Variants in PPP2R2B observed in about 807,000 individuals in gnomAD.
The protein encoded by PPP2R2B is protein phosphatase 2 regulatory subunit Bbeta.
A neutral mutation model predicts 46.0 loss-of-function variants in PPP2R2B; 5 were observed. That is an observed-to-expected ratio of 0.11 (90% CI 0.06 to 0.23). The LOEUF (loss-of-function observed/expected upper bound fraction) is 0.23. PPP2R2B is among the 10% of genes least tolerant of loss of function. The probability of loss-of-function intolerance (pLI) is 1.00; values close to 1 mark genes in which losing one functional copy is unlikely to be tolerated. For missense variants in PPP2R2B, 367 were observed against 575.0 expected (o/e 0.64, Z 3.70); for synonymous variants, 215 against 206.7 (o/e 1.04, Z -0.34).
intron 7 of PPP2R2B, among the ~76,000 whole-genome samples, chr5:146,632,066 C>CA (rs1554116671): frequency 1.6e-5 from 2 of 123,778 alleles, no homozygotes; most frequent in Non-Finnish European, 3.4e-5. Context: ...GTTGTGCCCC[C>CA]CCCCCCGCCC....
At chr5:146,755,775 T>C (rs1168299410) in intron 2 of PPP2R2B, among the ~76,000 whole-genome samples, 3 of 152,190 alleles carry the variant, frequency 2.0e-5, no homozygotes. Context: ...TGCTAATTTG[T>C]TTTTCAACTT....
intron 2 of PPP2R2B, among the ~76,000 whole-genome samples, chr5:146,838,494 C>A (rs1448202950): frequency 2.7e-5 from 4 of 150,224 alleles, no homozygotes; most frequent in African/African-American, 9.8e-5. Context: ...TCACTTGAAC[C>A]TGGGAGGCGG....
intron 1 of PPP2R2B, among the ~76,000 whole-genome samples, chr5:147,005,410 T>C (rs1057403019): frequency 6.6e-5 from 10 of 152,176 alleles, no homozygotes; most frequent in South Asian, 2.1e-4. Flanking sequence ...AAAGAATAAA[T>C]GTGTATACAG....
At chr5:146,783,847 G>A (rs1005013703) in intron 2 of PPP2R2B, among the ~76,000 whole-genome samples, 8 of 152,202 alleles carry the variant, frequency 5.3e-5, no homozygotes, top group Non-Finnish European at 1.0e-4. Context: ...TCTGATCGGG[G>A]GATAGGAAGA....
chr5:146,759,787 A>ACAG (rs1754050434), intron 2 of PPP2R2B, among the ~76,000 whole-genome samples: 1 of 151,154 alleles, frequency 6.6e-6, no homozygotes, highest in Non-Finnish European at 1.5e-5. Flanking sequence ...GACGGAGGGT[A>ACAG]TAAGAACAGG....
intron 2 of PPP2R2B, among the ~76,000 whole-genome samples, chr5:147,067,256 A>C (rs1273726993): frequency 6.6e-6 from 1 of 152,190 alleles, no homozygotes; most frequent in Non-Finnish European, 1.5e-5. Context: ...CATGTTGTAC[A>C]GTACATCTCT....
intron 2 of PPP2R2B, among the ~76,000 whole-genome samples, chr5:146,768,819 C>T (rs1754655518): frequency 6.6e-6 from 1 of 151,998 alleles, no homozygotes. Context: ...GTTTCTGAGA[C>T]TTTTTACAGC....
chr5:146,673,346 G>A (rs79020343), intron 5 of PPP2R2B, among the ~76,000 whole-genome samples: 17,606 of 152,184 alleles, frequency 0.12, 1,277 homozygotes, highest in African/African-American at 0.19. Flanking sequence ...ATTTGCAAAC[G>A]TTAACTGGGT....
At chr5:146,699,290 C>T (rs1206789567) in intron 3 of PPP2R2B, among the ~76,000 whole-genome samples, 3 of 152,178 alleles carry the variant, frequency 2.0e-5, no homozygotes, top group African/African-American at 7.2e-5. Flanking sequence ...TGAGAATTCA[C>T]TCCTGGAGCT....
intron 1 of PPP2R2B, among the ~76,000 whole-genome samples, chr5:146,885,031 C>T (rs1762276183): frequency 6.6e-6 from 1 of 151,998 alleles, no homozygotes; most frequent in South Asian, 2.1e-4. Flanking sequence ...AACCCAAATG[C>T]CCAACAAAAT....
chr5:146,833,528 C>T (rs1759085356), intron 2 of PPP2R2B, among the ~76,000 whole-genome samples: 1 of 152,172 alleles, frequency 6.6e-6, no homozygotes, highest in Non-Finnish European at 1.5e-5. Context: ...ACTTTACTTT[C>T]AATGTGACAA....
intron 2 of PPP2R2B, among the ~76,000 whole-genome samples, chr5:146,707,784 C>T (rs553317639): frequency 2.6e-5 from 4 of 152,228 alleles, no homozygotes; most frequent in African/African-American, 9.6e-5. Context: ...CAATCTGACT[C>T]TCCTACAAGT....
At chr5:146,616,224 A>G (rs1403180499) in intron 7 of PPP2R2B, among the ~76,000 whole-genome samples, 1 of 152,236 alleles carries the variant, frequency 6.6e-6, no homozygotes, top group African/African-American at 2.4e-5. Context: ...CAACATATAC[A>G]AAAGTCAAAT....
intron 7 of PPP2R2B, among the ~76,000 whole-genome samples, chr5:146,618,457 T>A (rs374613299): frequency 1.3e-5 from 2 of 152,356 alleles, no homozygotes; most frequent in East Asian, 3.9e-4. Context: ...TCAATTTGTG[T>A]TATTTTAAGC....
At chr5:146,841,735 A>C (rs1433576228) in intron 2 of PPP2R2B, among the ~76,000 whole-genome samples, 1 of 152,162 alleles carries the variant, frequency 6.6e-6, no homozygotes, top group African/African-American at 2.4e-5. Flanking sequence ...TTGAACAATG[A>C]GAACACATGA....
chr5:146,843,134 C>T (rs1759769511), intron 2 of PPP2R2B, among the ~76,000 whole-genome samples: 1 of 152,228 alleles, frequency 6.6e-6, no homozygotes. Flanking sequence ...TTGCGGTGAG[C>T]CCAGATCGTG....
intron 1 of PPP2R2B, among the ~76,000 whole-genome samples, chr5:147,007,369 C>T (rs543845546): frequency 9.9e-5 from 15 of 152,084 alleles, no homozygotes; most frequent in Non-Finnish European, 1.5e-4. Flanking sequence ...TTTGTAAACG[C>T]ACCAATCAGC....
At chr5:146,639,432 G>A (rs1775048009) in intron 6 of PPP2R2B, among the ~76,000 whole-genome samples, 1 of 151,968 alleles carries the variant, frequency 6.6e-6, no homozygotes, top group African/African-American at 2.4e-5. Context: ...TTTTATTTAT[G>A]AAGGTGACTC....
At chr5:146,930,499 C>T (rs1201995426) in intron 1 of PPP2R2B, among the ~76,000 whole-genome samples, 1 of 152,074 alleles carries the variant, frequency 6.6e-6, no homozygotes, top group African/African-American at 2.4e-5. Flanking sequence ...GGCAATGGCC[C>T]AGTGGTCTGG....
Sources: gnomAD v4.1 joint callset for allele counts (sites outside exome capture counted in the v4.1 genomes callset) on GRCh38, gnomAD v4.1.1 for gene constraint, MANE v1.5 for transcripts, NCBI Gene and HGNC (gene_info 2026-07-23, HGNC 2026-07-21) for gene names.